Variants in EPB41L4A observed in about 807,000 individuals in gnomAD.
EPB41L4A encodes the protein band 4.1-like protein 4A.
In EPB41L4A, 100 loss-of-function variants were observed where a neutral mutation model predicts 108.6. The observed-to-expected ratio is 0.92, with a 90% CI of 0.78 to 1.09. EPB41L4A has a LOEUF of 1.09. EPB41L4A is among the 50% of genes least tolerant of loss of function. The pLI, the probability that EPB41L4A is intolerant of heterozygous loss-of-function variation, is 0.00. For synonymous variants in EPB41L4A, 319 were observed against 289.0 expected, an observed-to-expected ratio of 1.10 and a Z score of -1.05; for missense variants, 1,030 against 842.7, an observed-to-expected ratio of 1.22 and a Z score of -2.75.
At chr5:112,192,749 G>A (rs1338962086) in intron 17 of EPB41L4A, among the ~76,000 whole-genome samples, 2 of 152,114 alleles carry the variant, frequency 1.3e-5, no homozygotes, top group Admixed American at 1.3e-4. Flanking sequence ...GTAGCGAATG[G>A]TACTGTGAGC....
At chr5:112,194,235 C>T (rs1761848565) in intron 17 of EPB41L4A, among the ~76,000 whole-genome samples, 1 of 152,046 alleles carries the variant, frequency 6.6e-6, no homozygotes, top group South Asian at 2.1e-4. Context: ...AAAGATAGTT[C>T]AGGGAGAAAT....
At chr5:112,234,325 T>G (rs920555391) in intron 12 of EPB41L4A, among the ~76,000 whole-genome samples, 2 of 151,762 alleles carry the variant, frequency 1.3e-5, no homozygotes, top group East Asian at 3.9e-4. Context: ...AAGGCAGCAG[T>G]GAGCTATAAT....
At chr5:112,202,084 T>C (rs78110318) in intron 15 of EPB41L4A, among the ~76,000 whole-genome samples, 1 of 152,224 alleles carries the variant, frequency 6.6e-6, no homozygotes, top group Non-Finnish European at 1.5e-5. Context: ...AGACTCCAGT[T>C]AGATCTGAAG....
Position 112,373,663 on chromosome 5 carries a change from G to C in EPB41L4A, c.99+45278C>G, listed in dbSNP as rs553207273. 7.2e-5 allele frequency among the ~76,000 whole-genome samples: 11 copies of C among 152,314 alleles called. No homozygotes were observed. The East Asian group carries it at 1.3e-3, about 19-fold the overall frequency. On this transcript the variant is annotated intron_variant, in intron 1 of 22. Transcript: ENST00000261486. ...GTTACTAAACTTGCCCAGCCAGCAA[G>C]TGGCAGAGCCAGGGTTAGAACCCAG... is the stretch of plus-strand genomic sequence containing the variant.
chr5:112,170,382 A>G lies in EPB41L4A; in HGVS notation c.1671-13T>C, dbSNP rs200817483. On this transcript the variant is annotated splice_polypyrimidine_tract_variant and intron_variant, in intron 19 of 22. Transcript: ENST00000261486. ...CACAAGTTCTTTTCTGTAAAGGAAT[A>G]TGCAAGAAAATGATAGTTGTGGTGC... The G allele has an allele frequency of 5.3e-4, 804 of 1,512,068 alleles. 3 individuals carry two copies. The highest frequency in any genetic ancestry group is 1.7e-4 in the Non-Finnish European group (188 of 1,089,360). 93.7% of individuals were successfully genotyped at this position (1,512,068 alleles called of 1,614,324 possible).
At chr5:112,334,160 C>A (rs1756771381) in intron 1 of EPB41L4A, among the ~76,000 whole-genome samples, 1 of 152,132 alleles carries the variant, frequency 6.6e-6, no homozygotes, top group Non-Finnish European at 1.5e-5. Context: ...ACAAAACAAA[C>A]CCTTTTTGTA....
intron 13 of EPB41L4A, among the ~76,000 whole-genome samples, chr5:112,206,304 G>A (rs189689164): frequency 1.3e-5 from 2 of 151,986 alleles, no homozygotes; most frequent in Admixed American, 1.3e-4. Context: ...CTAGGATAGG[G>A]TCATAGAGGA....
At chr5:112,196,142 T>C (rs1863960) in intron 15 of EPB41L4A, among the ~76,000 whole-genome samples, 97,456 of 151,948 alleles carry the variant, frequency 0.64, 32,342 homozygotes, top group East Asian at 0.76. Flanking sequence ...TTATCATCTG[T>C]AACCACCTCC....
Position 112,337,938 on chromosome 5 carries a change from G to A in EPB41L4A, c.100-30448C>T, listed in dbSNP as rs547422982. ...ACAAAGGTACCAATGACTGCAAGAA[G>A]GCACTGGGCACATGGAAAGACAAAA... On this transcript the variant is annotated intron_variant, in intron 1 of 22. Coordinates refer to ENST00000261486, the MANE Select transcript of EPB41L4A (RefSeq NM_022140.5). Among the ~76,000 whole-genome samples, 399 of 152,172 alleles carry A rather than the reference G, an allele frequency of 2.6e-3. 4 individuals carry two copies. Among genetic ancestry groups the A allele is most frequent in the African/African-American group, 9.1e-3 (376 of 41,514 alleles).
chr5:112,210,236 C>G (rs1762670309), intron 12 of EPB41L4A: 1 of 292,088 alleles, frequency 3.4e-6, no homozygotes, highest in Non-Finnish European at 6.2e-6. Context: ...TAAGTCTCCA[C>G]ATCTTTAGAT....
At position 112,292,788 on chromosome 5, in the gene EPB41L4A, G is replaced by A. The variant is rs77529078; in HGVS notation, c.205-12465C>T. 5.4e-3 allele frequency among the ~76,000 whole-genome samples: 824 copies of A among 151,982 alleles called. 13 individuals are homozygous for A. The highest frequency in any genetic ancestry group is 0.019 in the African/African-American group (801 of 41,424). ...GGTTAATTTATCAGAGCTTTGTGTC[G>A]AAACCCTAAATTTAAAAAAAAACTA... On this transcript the variant is annotated intron_variant, in intron 2 of 22. Coordinates refer to ENST00000261486, the MANE Select transcript of EPB41L4A (RefSeq NM_022140.5).
rs1749369568 is a variant in EPB41L4A at position 112,236,803 on chromosome 5, G to GA, written c.966-2049dup. On this transcript the variant is annotated intron_variant, in intron 11 of 22. Coordinates refer to ENST00000261486, the MANE Select transcript of EPB41L4A (RefSeq NM_022140.5). ...CCAGCTTTGCCACTTACTGATTAGG[G>GA]ACGCTTACTTTACTTTTGGAGGCTC... 2.6e-5 allele frequency among the ~76,000 whole-genome samples: 4 copies of GA among 152,332 alleles called. No individual in the cohort carries two copies. The South Asian group carries it at 8.3e-4, about 32-fold the overall frequency.
intron 1 of EPB41L4A, among the ~76,000 whole-genome samples, chr5:112,375,979 G>A (rs1209613318): frequency 6.6e-6 from 1 of 152,084 alleles, no homozygotes; most frequent in African/African-American, 2.4e-5. Context: ...TGTCCCCAGG[G>A]GTTGGCTTTA....
intron 12 of EPB41L4A, among the ~76,000 whole-genome samples, chr5:112,213,817 G>C (rs1291807376): frequency 1.3e-5 from 2 of 152,188 alleles, no homozygotes; most frequent in Non-Finnish European, 2.9e-5. Context: ...CACTTCTGAA[G>C]TATCCATTCA....
In EPB41L4A at chr5:112,154,232, G is replaced by A. The variant is rs76387398; in HGVS notation, n.994+4169C>T. ...AGAGCATTCACAACACTATCCTCCA[G>A]TTCACCTGACTCATAGTAAGCTTTC... On this transcript the variant is annotated intron_variant and non_coding_transcript_variant, in intron 12 of 13. Transcript: ENST00000507810. Among the ~76,000 whole-genome samples, 610 of 152,248 alleles carry A rather than the reference G, an allele frequency of 4.0e-3. 9 individuals are homozygous for A. Among genetic ancestry groups the A allele is most frequent in the African/African-American group, 0.014 (593 of 41,552 alleles).
chr5:112,210,247 G>A lies in EPB41L4A; in HGVS notation c.1088-265C>T, dbSNP rs148811972. On this transcript the variant is annotated intron_variant, in intron 12 of 22. Coordinates refer to ENST00000261486, the MANE Select transcript of EPB41L4A (RefSeq NM_022140.5). Reference sequence around the variant, plus strand: ...AAACTAAGTCTCCACATCTTTAGATGTTAAAATAACATTCACTTTAGACTA... The same window carrying A: ...AAACTAAGTCTCCACATCTTTAGATATTAAAATAACATTCACTTTAGACTA... The A allele has an allele frequency of 4.8e-3, 1,305 of 270,840 alleles. 5 individuals carry two copies. Among genetic ancestry groups the A allele is most frequent in the Non-Finnish European group, 7.1e-3 (1,041 of 146,552 alleles). 16.8% of individuals were successfully genotyped at this position (270,840 alleles called of 1,614,324 possible).
intron 17 of EPB41L4A, among the ~76,000 whole-genome samples, chr5:112,187,421 C>T (rs991971147): frequency 2.3e-4 from 35 of 152,144 alleles, no homozygotes; most frequent in Admixed American, 8.5e-4. Context: ...CAAATTCTAA[C>T]CATGTTTCAG....
intron 22 of EPB41L4A, among the ~76,000 whole-genome samples, chr5:112,167,123 C>CA (rs10642511): frequency 0.021 from 2,359 of 110,556 alleles, 95 homozygotes; most frequent in African/African-American, 0.045. Flanking sequence ...AAATTTAAGA[C>CA]AAAAAAAAAA....
Position 112,266,247 on chromosome 5 carries a change from G to A in EPB41L4A, c.419C>T (p.Ala140Val), listed in dbSNP as rs766703883. The change falls in exon 5 of 23, where the codon GCG (alanine) becomes GTG (valine). Residue 140 changes from alanine to valine, a missense_variant. Ala to Val is a moderately conservative substitution (Grantham distance 64). Transcript: ENST00000261486. Reference sequence around the variant, plus strand: ...GTGGCACCTACACTGGATGGCATACGCTCCCAGCTGAGCAGCAGTGTTGAC... The same window carrying A: ...GTGGCACCTACACTGGATGGCATACACTCCCAGCTGAGCAGCAGTGTTGAC... The part of the protein sequence containing the change: ...CPVNTAAQLG[A>V]YAIQSELGDY... 5.6e-6 allele frequency: 9 copies of A among 1,608,784 alleles called. No individual in the cohort carries two copies. Among genetic ancestry groups the A allele is most frequent in the Middle Eastern group, 1.7e-4 (1 of 6,036 alleles).
Sources: allele counts gnomAD v4.1 joint callset (sites outside exome capture counted in the v4.1 genomes callset), GRCh38; gene constraint gnomAD v4.1.1; transcripts MANE v1.5; gene names NCBI Gene and HGNC (gene_info 2026-07-23, HGNC 2026-07-21).